Variants in PEAK1 observed in about 807,000 individuals in gnomAD.
The protein encoded by PEAK1 is inactive tyrosine-protein kinase PEAK1.
In PEAK1, 54 loss-of-function variants were observed where a neutral mutation model predicts 124.7. The ratio of observed to expected loss-of-function variants is 0.43; its 90% CI spans 0.35 to 0.54. The LOEUF (loss-of-function observed/expected upper bound fraction) is 0.54, where lower values mean the gene tolerates loss of function less well. PEAK1 is among the 20% of genes least tolerant of loss of function. The probability of loss-of-function intolerance (pLI) is 0.01; values close to 1 mark genes in which losing one functional copy is unlikely to be tolerated. For missense variants in PEAK1, 2,046 were observed against 2,134.5 expected (o/e 0.96, Z 0.82); for synonymous variants, 719 against 760.0 (o/e 0.95, Z 0.89).
chr15:77,271,709 C>T (rs1024300896), intron 5 of PEAK1, among the ~76,000 whole-genome samples: 7 of 152,144 alleles, frequency 4.6e-5, no homozygotes, highest in African/African-American at 9.7e-5. Context: ...CATGTTCTCA[C>T]TCATAGGTGG....
intron 1 of PEAK1, among the ~76,000 whole-genome samples, chr15:77,369,515 C>A (rs531924631): frequency 6.6e-6 from 1 of 152,230 alleles, no homozygotes; most frequent in African/African-American, 2.4e-5. Context: ...AGAGCCAAAT[C>A]CAGCCCAGGG....
At chr15:77,211,272 TTTATC>T (rs2058890830) in intron 6 of PEAK1, among the ~76,000 whole-genome samples, 1 of 152,188 alleles carries the variant, frequency 6.6e-6, no homozygotes, top group South Asian at 2.1e-4. Flanking sequence ...GTAAGCTTAT[TTTATC>T]TTATAAGGTG....
chr15:77,331,106 CTATTT>C (rs2153032029), intron 2 of PEAK1: 1 of 650,476 alleles, frequency 1.5e-6, no homozygotes, highest in Admixed American at 6.3e-5. Flanking sequence ...AATCAATTTT[CTATTT>C]TATTATGTTT....
At chr15:77,127,436 T>A (rs189566083) in intron 9 of PEAK1, among the ~76,000 whole-genome samples, 61 of 152,294 alleles carry the variant, frequency 4.0e-4, no homozygotes, top group Non-Finnish European at 8.2e-4. Context: ...AGTTTTGAGA[T>A]GCATGTGAGG....
downstream of PEAK1, chr15:77,105,739 T>G (rs960088267): frequency 1.3e-5 from 2 of 152,202 alleles, no homozygotes; most frequent in African/African-American, 4.8e-5. Context: ...AATGGAGAGC[T>G]CCCCACACCA....
intron 7 of PEAK1, among the ~76,000 whole-genome samples, chr15:77,174,453 G>A (rs893671723): frequency 2.0e-5 from 3 of 152,116 alleles, no homozygotes; most frequent in Non-Finnish European, 2.9e-5. Flanking sequence ...TGATGGTAAT[G>A]TTTTCCTTAT....
At chr15:77,371,549 T>A in intron 1 of PEAK1, 1 of 802,220 alleles carries the variant, frequency 1.2e-6, no homozygotes, top group Non-Finnish European at 1.5e-6. Flanking sequence ...ATCATCATCA[T>A]GACATTTTTT....
chr15:77,199,649 C>T (rs78732871), intron 6 of PEAK1, among the ~76,000 whole-genome samples: 3,446 of 152,206 alleles, frequency 0.023, 110 homozygotes, highest in African/African-American at 0.072. Context: ...ACAGAGACTG[C>T]GGATATGGCA....
intron 6 of PEAK1, among the ~76,000 whole-genome samples, chr15:77,223,536 G>A (rs2059485520): frequency 6.6e-6 from 1 of 152,072 alleles, no homozygotes. Flanking sequence ...TGTGTCGACA[G>A]TAGTCTCTAA....
intron 1 of PEAK1, among the ~76,000 whole-genome samples, chr15:77,406,511 TAACTC>T (rs1366650169): frequency 6.6e-6 from 1 of 152,088 alleles, no homozygotes; most frequent in Admixed American, 6.6e-5. Context: ...ATCAAATCAA[TAACTC>T]AACCCCTTTT....
rs1273299172 is a variant in PEAK1 at position 77,336,226 on chromosome 15, A to C, written c.-603+28937T>G. ...GAGAATCAGCCTCATTCATGTTTGCATTCCAAGAACCACAATGGGCACAAA... is the reference window on the plus strand; with the variant it reads ...GAGAATCAGCCTCATTCATGTTTGCCTTCCAAGAACCACAATGGGCACAAA... On this transcript the variant is annotated intron_variant, in intron 2 of 9. Transcript: ENST00000682557. 7.1e-6 allele frequency: 7 copies of C among 985,304 alleles called. No individual in the cohort carries two copies. The African/African-American group carries it at 8.7e-5, about 12-fold the overall frequency. The allele number at this position is 985,304 out of a possible 1,614,324, so 61.0% of individuals were successfully genotyped here. A position where few individuals can be genotyped will look rare whatever the true frequency, so the allele number is the denominator to read the frequency against.
chr15:77,343,892 T>C (rs2066705109), intron 2 of PEAK1, among the ~76,000 whole-genome samples: 1 of 152,192 alleles, frequency 6.6e-6, no homozygotes, highest in South Asian at 2.1e-4. Flanking sequence ...TTTTAGCTTT[T>C]ATGTTTAGGT....
chr15:77,149,410 C>G (rs2152766593), intron 8 of PEAK1, among the ~76,000 whole-genome samples: 1 of 152,264 alleles, frequency 6.6e-6, no homozygotes, highest in East Asian at 1.9e-4. Flanking sequence ...GGATCTAAAG[C>G]CATTGCGTTA....
intron 2 of PEAK1, chr15:77,335,152 T>A: frequency 1.0e-6 from 1 of 985,466 alleles, no homozygotes; most frequent in Non-Finnish European, 1.2e-6. Flanking sequence ...TTAAACACTG[T>A]GCTTTGTAGG....
At chr15:77,411,364 T>G (rs1045727899) in intron 1 of PEAK1, among the ~76,000 whole-genome samples, 7 of 152,172 alleles carry the variant, frequency 4.6e-5, no homozygotes, top group African/African-American at 1.7e-4. Context: ...TGATAGCCAA[T>G]GACTACAGGC....
chr15:77,160,232 C>A (rs1484436316), intron 7 of PEAK1, among the ~76,000 whole-genome samples: 5 of 152,110 alleles, frequency 3.3e-5, no homozygotes, highest in Admixed American at 3.3e-4. Context: ...AACAAAGTGA[C>A]ACTTCCAAGA....
At chr15:77,328,133 C>T (rs1332310057) in intron 2 of PEAK1, among the ~76,000 whole-genome samples, 1 of 152,252 alleles carries the variant, frequency 6.6e-6, no homozygotes, top group African/African-American at 2.4e-5. Flanking sequence ...AATCCATTGA[C>T]TGGCCCATTA....
intron 8 of PEAK1, among the ~76,000 whole-genome samples, chr15:77,144,335 C>T (rs536122545): frequency 6.6e-6 from 1 of 152,334 alleles, no homozygotes; most frequent in Non-Finnish European, 1.5e-5. Context: ...CTTGGCCTAG[C>T]TCAAATGGCA....
intron 5 of PEAK1, among the ~76,000 whole-genome samples, chr15:77,258,257 T>A (rs1487584443): frequency 6.6e-6 from 1 of 152,244 alleles, no homozygotes; most frequent in African/African-American, 2.4e-5. Context: ...TTTCCAATTC[T>A]GTGAAGAAAG....
Sources: gnomAD v4.1 joint callset for allele counts (sites outside exome capture counted in the v4.1 genomes callset) on GRCh38, gnomAD v4.1.1 for gene constraint, MANE v1.5 for transcripts, NCBI Gene and HGNC (gene_info 2026-07-23, HGNC 2026-07-21) for gene names.